The following RGSL1 variants were observed in gnomAD, a reference collection of about 807,000 sequenced individuals.
RGSL1 encodes regulator of G protein signaling like 1.
A neutral mutation model predicts 124.7 loss-of-function variants in RGSL1; 97 were observed. That is an observed-to-expected ratio of 0.78 (90% CI 0.66 to 0.92). The LOEUF (loss-of-function observed/expected upper bound fraction) is 0.92. Among genes scored for constraint, RGSL1 ranks in the 40% least tolerant of loss-of-function variants. The pLI is 0.00. For missense variants in RGSL1, 1,233 were observed against 1,288.4 expected, an observed-to-expected ratio of 0.96 and a Z score of 0.66; for synonymous variants, 424 against 438.1, an observed-to-expected ratio of 0.97 and a Z score of 0.40.
intron 14 of RGSL1, among the ~76,000 whole-genome samples, chr1:182,536,871 C>T (rs954505686): frequency 6.6e-6 from 1 of 152,124 alleles, no homozygotes; most frequent in Admixed American, 6.6e-5. Flanking sequence ...CAGGTTCCTC[C>T]CACAACACAT....
intron 3 of RGSL1, among the ~76,000 whole-genome samples, chr1:182,458,804 A>G (rs986754666): frequency 2.0e-5 from 3 of 152,148 alleles, no homozygotes; most frequent in Non-Finnish European, 2.9e-5. Flanking sequence ...GAATTGGGAG[A>G]GGGAGAAAAA....
intron 18 of RGSL1, among the ~76,000 whole-genome samples, chr1:182,552,607 C>T (rs542725214): frequency 1.3e-5 from 2 of 152,300 alleles, no homozygotes; most frequent in East Asian, 3.9e-4. Context: ...AGCCTCACAT[C>T]CCTGATCTCA....
chr1:182,516,325 T>A (rs2102218547), intron 9 of RGSL1, among the ~76,000 whole-genome samples: 1 of 152,328 alleles, frequency 6.6e-6, no homozygotes, highest in Admixed American at 6.5e-5. Context: ...CCCGTCTCTA[T>A]CTCCTGTCCA....
intron 6 of RGSL1, among the ~76,000 whole-genome samples, chr1:182,483,887 C>A (rs1460788499): frequency 1.3e-5 from 2 of 152,066 alleles, no homozygotes; most frequent in Non-Finnish European, 2.9e-5. Flanking sequence ...GGACAGAGCA[C>A]AGCTCTGGTC....
intron 9 of RGSL1, among the ~76,000 whole-genome samples, chr1:182,500,708 A>G (rs533130544): frequency 6.6e-6 from 1 of 152,226 alleles, no homozygotes; most frequent in South Asian, 2.1e-4. Flanking sequence ...CAAGTTTTAC[A>G]TTTTCATGAT....
intron 2 of RGSL1, among the ~76,000 whole-genome samples, chr1:182,457,705 A>T (rs971173840): frequency 6.6e-6 from 1 of 152,176 alleles, no homozygotes. Flanking sequence ...CCATGATGAG[A>T]CTGCTTAAGT....
At chr1:182,551,437 C>T (rs188716025) in intron 18 of RGSL1, among the ~76,000 whole-genome samples, 4 of 152,290 alleles carry the variant, frequency 2.6e-5, no homozygotes, top group South Asian at 4.1e-4. Context: ...AACTCCAGGA[C>T]GCCTCTGTGC....
chr1:182,492,483 A>G lies in RGSL1; in HGVS notation c.1718-539A>G, dbSNP rs74128934. Among the ~76,000 whole-genome samples the G allele has an allele frequency of 8.0e-3, 1,225 of 152,244 alleles. 26 individuals carry two copies. Among genetic ancestry groups the G allele is most frequent in the African/African-American group, 0.028 (1,179 of 41,530 alleles). ...AGCAACCCTCAGGCAAATAATCTCC[A>G]TGGGTCAGTTTTCCCTAAGAAGGAG... On this transcript the variant is annotated intron_variant, in intron 8 of 21. Coordinates refer to ENST00000294854, the MANE Select transcript of RGSL1 (RefSeq NM_001137669.2).
At chr1:182,538,853 A>G (rs1164978224) in intron 14 of RGSL1, among the ~76,000 whole-genome samples, 1 of 152,130 alleles carries the variant, frequency 6.6e-6, no homozygotes, top group East Asian at 1.9e-4. Context: ...TTTGGAACAA[A>G]TGAAAGATGA....
At chr1:182,527,460 T>C in intron 10 of RGSL1, 119 bp from the exon 11 acceptor site, 1 of 794,120 alleles carries the variant, frequency 1.3e-6, no homozygotes, top group South Asian at 2.0e-5. Context: ...CCACAATGCT[T>C]TTCACATATG....
chr1:182,554,806 G>A, intron 20 of RGSL1, 113 bp downstream of exon 20: 1 of 1,047,180 alleles, frequency 9.5e-7, no homozygotes, highest in East Asian at 2.6e-5. Flanking sequence ...CCTCTCCTTG[G>A]CATGCAGAAC....
intron 6 of RGSL1, among the ~76,000 whole-genome samples, chr1:182,482,066 T>C (rs1342977373): frequency 6.6e-6 from 1 of 152,238 alleles, no homozygotes; most frequent in Non-Finnish European, 1.5e-5. Context: ...CCCTGGGTTA[T>C]AAGGATGGCT....
At chr1:182,458,760 A>G (rs989823039) in intron 3 of RGSL1, among the ~76,000 whole-genome samples, 1 of 152,200 alleles carries the variant, frequency 6.6e-6, no homozygotes, top group South Asian at 2.1e-4. Flanking sequence ...GGCCTGAGCC[A>G]CCGTGCCTGG....
At chr1:182,477,045 G>A (rs1654343002) in intron 6 of RGSL1, among the ~76,000 whole-genome samples, 1 of 152,166 alleles carries the variant, frequency 6.6e-6, no homozygotes, top group Admixed American at 6.5e-5. Context: ...TGAAATAGGA[G>A]GTCCCCAGCT....
chr1:182,494,603 C>G (rs1339136423), intron 9 of RGSL1, among the ~76,000 whole-genome samples: 2 of 152,180 alleles, frequency 1.3e-5, no homozygotes, highest in Admixed American at 1.3e-4. Flanking sequence ...ATAAAGATGA[C>G]AAATTTCCCT....
intron 13 of RGSL1, among the ~76,000 whole-genome samples, chr1:182,531,802 A>G (rs181935304): frequency 6.6e-6 from 1 of 152,286 alleles, no homozygotes; most frequent in Admixed American, 6.5e-5. Context: ...CATGTACTTA[A>G]TGCCTACTGT....
chr1:182,501,466 G>C (rs1455947454), intron 9 of RGSL1, among the ~76,000 whole-genome samples: 2 of 151,236 alleles, frequency 1.3e-5, no homozygotes, highest in Non-Finnish European at 3.0e-5. Context: ...TTACAGGTGT[G>C]TACCATTACG....
rs185354718 is a variant in RGSL1 at position 182,528,848 on chromosome 1, C to T, written c.2125+1076C>T. Among the ~76,000 whole-genome samples, 105 of 152,288 alleles carry T rather than the reference C, an allele frequency of 6.9e-4. 1 individual carries two copies. In the East Asian group the frequency reaches 9.8e-3, roughly 14 times the overall value. On this transcript the variant is annotated intron_variant, in intron 11 of 21. Transcript: ENST00000294854. ...TTATGAAGAAAAGAGGTTTAATTGA[C>T]GCACAGTTCCACATGACTGGGGAGG...
At chr1:182,451,496 A>G (rs1340400247) in intron 1 of RGSL1, among the ~76,000 whole-genome samples, 1 of 115,450 alleles carries the variant, frequency 8.7e-6, no homozygotes, top group Non-Finnish European at 2.2e-5. Flanking sequence ...TTAAGAAAAC[A>G]TTTGAAGCAA....
Sources: allele counts gnomAD v4.1 joint callset (sites outside exome capture counted in the v4.1 genomes callset), GRCh38; gene constraint gnomAD v4.1.1; transcripts MANE v1.5; gene names NCBI Gene and HGNC (gene_info 2026-07-23, HGNC 2026-07-21).